The following ATXN1 variants were observed in gnomAD, a reference collection of about 807,000 sequenced individuals.
ATXN1 encodes the protein ataxin-1.
Under a neutral mutation model 56.4 loss-of-function variants are expected in ATXN1, and 8 were observed. The ratio of observed to expected loss-of-function variants is 0.14; its 90% CI spans 0.08 to 0.26. The LOEUF is 0.26. Among genes scored for constraint, ATXN1 ranks in the 10% least tolerant of loss-of-function variants. The pLI is 1.00. For synonymous variants in ATXN1, 514 were observed against 494.6 expected (o/e 1.04, Z -0.52); for missense variants, 987 against 1,106.5 (o/e 0.89, Z 1.53).
intron 4 of ATXN1, among the ~76,000 whole-genome samples, chr6:16,550,099 C>G (rs1761891627): frequency 6.8e-6 from 1 of 147,118 alleles, no homozygotes; most frequent in Admixed American, 6.9e-5. Context: ...ATGCAACAGA[C>G]CTGCATGTTC....
chr6:16,689,336 CAG>C (rs995977974), intron 2 of ATXN1, among the ~76,000 whole-genome samples: 2 of 151,896 alleles, frequency 1.3e-5, no homozygotes, highest in African/African-American at 2.4e-5. Flanking sequence ...ACTTTTGAGA[CAG>C]GGTATCACTC....
At position 16,306,880 on chromosome 6, in the gene ATXN1, A is replaced by G. The variant is rs1760265121; in HGVS notation, c.1918-21T>C. On this transcript the variant is annotated intron_variant, in intron 7 of 7. Coordinates refer to ENST00000436367, the MANE Select transcript of ATXN1 (RefSeq NM_001128164.2). The surrounding 1 kb of genome is among the most constrained non-coding windows in gnomAD (Gnocchi z 5.2). ...CTGACCTGTGGAAACAGGGAGAGACAGAGAGAGGAAGAAGGAAGGGAACAA... is the reference window on the plus strand; with the variant it reads ...CTGACCTGTGGAAACAGGGAGAGACGGAGAGAGGAAGAAGGAAGGGAACAA... 6.4e-7 allele frequency: 1 copy of G among 1,571,478 alleles called. No homozygotes were observed. Among genetic ancestry groups the G allele is most frequent in the African/African-American group, 1.4e-5 (1 of 72,922 alleles).
intron 3 of ATXN1, among the ~76,000 whole-genome samples, chr6:16,614,566 G>A (rs1214049587): frequency 2.0e-4 from 30 of 151,088 alleles, no homozygotes; most frequent in African/African-American, 7.4e-4. Flanking sequence ...ATTTGCCACA[G>A]TAAAAGATAT....
intron 5 of ATXN1, among the ~76,000 whole-genome samples, chr6:16,522,329 G>A (rs919728792): frequency 1.3e-5 from 2 of 152,152 alleles, no homozygotes; most frequent in African/African-American, 4.8e-5. Context: ...ACCAGTTGCT[G>A]AGGGAAAGAA....
intron 6 of ATXN1, among the ~76,000 whole-genome samples, chr6:16,331,292 C>T (rs1292019734): frequency 6.6e-6 from 1 of 152,220 alleles, no homozygotes; most frequent in Non-Finnish European, 1.5e-5. Context: ...TGAGCCACTG[C>T]GCCCTGCCCA....
chr6:16,428,029 G>T (rs1759193515), intron 6 of ATXN1, among the ~76,000 whole-genome samples: 1 of 151,656 alleles, frequency 6.6e-6, no homozygotes, highest in African/African-American at 2.4e-5. Flanking sequence ...TGACTTTAAT[G>T]TTCATGGACT....
At chr6:16,468,877 T>C (rs1230262739) in intron 6 of ATXN1, among the ~76,000 whole-genome samples, 5 of 151,896 alleles carry the variant, frequency 3.3e-5, no homozygotes, top group Admixed American at 3.3e-4. Context: ...CTTAGATCGA[T>C]GCTTCTTCTG....
intron 6 of ATXN1, among the ~76,000 whole-genome samples, chr6:16,455,753 T>C (rs1759854190): frequency 6.6e-6 from 1 of 152,140 alleles, no homozygotes; most frequent in Non-Finnish European, 1.5e-5. Context: ...CAGCTGGACT[T>C]CCTGGGTTGA....
intron 2 of ATXN1, among the ~76,000 whole-genome samples, chr6:16,685,539 A>G (rs1758900307): frequency 6.6e-6 from 1 of 152,208 alleles, no homozygotes; most frequent in East Asian, 1.9e-4. Flanking sequence ...CTTCTTACAT[A>G]AAAGCCAGCA....
rs185932255 is a variant in ATXN1, at chr6:16,477,368, T to C, written c.-161+8604A>G. Among the ~76,000 whole-genome samples, 10 of 152,348 alleles carry C rather than the reference T, an allele frequency of 6.6e-5. No individual in the cohort carries two copies. The East Asian group carries it at 1.9e-3, about 29-fold the overall frequency. ...ACAATCCACAGTATTTCTATGTTCT[T>C]TGGATCCAAATCGGAAAATGGCAGA... On this transcript the variant is annotated intron_variant, in intron 6 of 7. Coordinates refer to ENST00000436367, the MANE Select transcript of ATXN1 (RefSeq NM_001128164.2).
chr6:16,758,513 A>C (rs1760956023), intron 1 of ATXN1, among the ~76,000 whole-genome samples: 1 of 152,230 alleles, frequency 6.6e-6, no homozygotes, highest in African/African-American at 2.4e-5. Flanking sequence ...GAGTAGCTAG[A>C]AGCCTCATTC....
At chr6:16,589,643 A>T (rs1034732573) in intron 3 of ATXN1, among the ~76,000 whole-genome samples, 5 of 152,172 alleles carry the variant, frequency 3.3e-5, no homozygotes, top group Non-Finnish European at 5.9e-5. Flanking sequence ...TAAGCTACAT[A>T]AGTAAAATGT....
intron 6 of ATXN1, among the ~76,000 whole-genome samples, chr6:16,426,851 A>G (rs1027572345): frequency 1.3e-5 from 2 of 149,058 alleles, no homozygotes; most frequent in African/African-American, 4.9e-5. Flanking sequence ...CTGTGGAACT[A>G]TAAGATCCAA....
chr6:16,550,745 A>G (rs1339560891), intron 4 of ATXN1, among the ~76,000 whole-genome samples: 1 of 152,244 alleles, frequency 6.6e-6, no homozygotes, highest in Non-Finnish European at 1.5e-5. Context: ...TTTGCAACAT[A>G]TAGTATGACA....
intron 6 of ATXN1, among the ~76,000 whole-genome samples, chr6:16,390,071 T>C (rs1396279992): frequency 6.6e-6 from 1 of 152,164 alleles, no homozygotes; most frequent in Non-Finnish European, 1.5e-5. Flanking sequence ...TTGTTCAAGG[T>C]GACATAAAAA....
At chr6:16,358,160 A>G (rs1254173919) in intron 6 of ATXN1, among the ~76,000 whole-genome samples, 4 of 152,216 alleles carry the variant, frequency 2.6e-5, no homozygotes. Context: ...AAAAAAAATG[A>G]TAGATATTGA....
intron 3 of ATXN1, among the ~76,000 whole-genome samples, chr6:16,609,407 G>T (rs1738643407): frequency 6.6e-6 from 1 of 152,234 alleles, no homozygotes; most frequent in South Asian, 2.1e-4. Flanking sequence ...TTGGAGTGAA[G>T]CTAGGGTCAG....
At chr6:16,632,055 A>C (rs761306808) in intron 3 of ATXN1, among the ~76,000 whole-genome samples, 10 of 152,170 alleles carry the variant, frequency 6.6e-5, no homozygotes, top group Non-Finnish European at 1.5e-4. Flanking sequence ...TGCTTACTTC[A>C]TGGGGTAGTG....
At chr6:16,352,034 A>G (rs1247455170) in intron 6 of ATXN1, among the ~76,000 whole-genome samples, 1 of 152,220 alleles carries the variant, frequency 6.6e-6, no homozygotes, top group African/African-American at 2.4e-5. Flanking sequence ...GCATCCCTTC[A>G]ACATTGAGAC....
Sources: allele counts gnomAD v4.1 joint callset (sites outside exome capture counted in the v4.1 genomes callset), GRCh38; gene constraint gnomAD v4.1.1; non-coding constraint Gnocchi (gnomAD v3.1); transcripts MANE v1.5; gene names NCBI Gene and HGNC (gene_info 2026-07-23, HGNC 2026-07-21).